ZC3H14: variants seen among roughly 807,000 people sequenced by gnomAD.
ZC3H14 encodes the protein zinc finger CCCH domain-containing protein 14.
Under a neutral mutation model 92.4 loss-of-function variants are expected in ZC3H14, and 31 were observed. The observed-to-expected ratio is 0.34, with a 90% CI of 0.25 to 0.45. ZC3H14 has a LOEUF of 0.45. Ranked by LOEUF, ZC3H14 falls within the 20% of genes least tolerant of loss-of-function variation. The pLI is 1.00. For synonymous variants in ZC3H14, 321 were observed against 300.9 expected (o/e 1.07, Z -0.69); for missense variants, 781 against 897.3 (o/e 0.87, Z 1.66).
chr14:88,604,074 ACT>A (rs1326917061), intron 12 of ZC3H14, among the ~76,000 whole-genome samples: 1 of 151,978 alleles, frequency 6.6e-6, no homozygotes, highest in Admixed American at 6.6e-5. Context: ...CGATTTATTG[ACT>A]CTGTATGTTT....
chr14:88,575,056 C>T (rs1047257212), intron 7 of ZC3H14, among the ~76,000 whole-genome samples: 17 of 152,168 alleles, frequency 1.1e-4, no homozygotes, highest in Non-Finnish European at 2.5e-4. Context: ...CCTGATTGAG[C>T]CTCCTGAATA....
rs764646700 is a variant in ZC3H14 at position 88,609,842 on chromosome 14, C to T, written c.2097+39C>T. On this transcript the variant is annotated intron_variant, in intron 15 of 16. Coordinates refer to ENST00000251038, the MANE Select transcript of ZC3H14 (RefSeq NM_024824.5). ...TTTTCTCAAATCAATTTAGTGACAA[C>T]ATCTCAATTTCCTCATTTAACTTCT... The T allele has an allele frequency of 5.7e-6, 9 of 1,586,142 alleles. No individual in the cohort carries two copies. The South Asian group carries it at 8.8e-5, about 16-fold the overall frequency.
intron 10 of ZC3H14, among the ~76,000 whole-genome samples, chr14:88,599,473 T>C (rs1394004877): frequency 6.6e-6 from 1 of 152,026 alleles, no homozygotes; most frequent in Non-Finnish European, 1.5e-5. Flanking sequence ...TGTTACTTAC[T>C]CCCCCGTCTG....
At chr14:88,577,141 C>T (rs757121497) in intron 8 of ZC3H14, among the ~76,000 whole-genome samples, 42 of 152,262 alleles carry the variant, frequency 2.8e-4, no homozygotes, top group Admixed American at 1.3e-3. Flanking sequence ...TGGTTCTCCT[C>T]ATCCCTAATT....
intron 11 of ZC3H14, among the ~76,000 whole-genome samples, 170 bp downstream of exon 11, chr14:88,602,253 A>G (rs1419857834): frequency 6.6e-6 from 1 of 152,236 alleles, no homozygotes; most frequent in Non-Finnish European, 1.5e-5. Flanking sequence ...CAAGAATTCC[A>G]GTTCATCTTT....
chr14:88,609,881 T>C (rs2140149616), intron 15 of ZC3H14, 78 bp downstream of exon 15: 1 of 1,466,464 alleles, frequency 6.8e-7, no homozygotes, highest in Non-Finnish European at 9.5e-7. Flanking sequence ...TTGTCAGAGT[T>C]ACTACATTGG....
intron 9 of ZC3H14, among the ~76,000 whole-genome samples, chr14:88,579,027 A>G (rs918484492): frequency 1.3e-5 from 2 of 152,034 alleles, no homozygotes; most frequent in Admixed American, 1.3e-4. Flanking sequence ...GTCGTCAAGA[A>G]GGATTCTTTT....
At chr14:88,593,146 T>G (rs1239194734) in intron 9 of ZC3H14, among the ~76,000 whole-genome samples, 1 of 152,078 alleles carries the variant, frequency 6.6e-6, no homozygotes, top group African/African-American at 2.4e-5. Flanking sequence ...TTTTGTATTT[T>G]TAGCAGAGAC....
chr14:88,611,819 A>C lies in ZC3H14; in HGVS notation c.*68A>C. ...TTCATGTACTGATGAAAGATACTCT[A>C]CAGAACTTGTCAAATCTTTGAAACT... On this transcript the variant is annotated 3_prime_UTR_variant, in exon 17 of 17. Transcript: ENST00000251038. 1 of 1,599,382 alleles carries C rather than the reference A, an allele frequency of 6.3e-7. No homozygotes were observed. The highest frequency in any genetic ancestry group is 1.3e-5 in the African/African-American group (1 of 74,576).
intron 3 of ZC3H14, among the ~76,000 whole-genome samples, chr14:88,569,360 T>A (rs556154276): frequency 6.6e-6 from 1 of 152,354 alleles, no homozygotes; most frequent in South Asian, 2.1e-4. Flanking sequence ...GTAATAATTG[T>A]AGTGTAATGT....
chr14:88,576,046 T>C, intron 8 of ZC3H14, 106 bp downstream of exon 8: 1 of 998,216 alleles, frequency 1.0e-6, no homozygotes, highest in East Asian at 2.5e-5. Flanking sequence ...GCCTGTCAGA[T>C]GTCAAGACCA....
intron 7 of ZC3H14, among the ~76,000 whole-genome samples, chr14:88,575,099 G>A (rs2080986738): frequency 1.3e-5 from 2 of 152,234 alleles, no homozygotes; most frequent in South Asian, 2.1e-4. Flanking sequence ...ACCATGACCA[G>A]CTAATTTTTG....
In ZC3H14 at chr14:88,602,882, T is replaced by G. The variant is rs2084855967; in HGVS notation, c.1569T>G (p.Asp523Glu). 1 of 1,614,034 alleles carries G rather than the reference T, an allele frequency of 6.2e-7. No homozygotes were observed. The highest frequency in any genetic ancestry group is 1.7e-5 in the Admixed American group (1 of 60,004). Residue 523 changes from aspartate (D) to glutamate (E), a missense_variant, in exon 12 of 17, where the codon GAT (aspartate) becomes GAG (glutamate). By Grantham distance (45) the Asp-to-Glu change is conservative. This residue lies in a region of ZC3H14 where 221 missense variants were observed against 304.7 expected (regional missense o/e 0.73). Transcript: ENST00000251038. ...PASPKFIVTLDGVPSPPGYMS... is the reference protein window; with the variant it reads ...PASPKFIVTLEGVPSPPGYMS... ...GTCCCAAGTTTATAGTGACGCTGGA[T>G]GGTGTCCCCAGCCCCCCAGGATACA... is the stretch of plus-strand genomic sequence containing the variant.
intron 10 of ZC3H14, among the ~76,000 whole-genome samples, chr14:88,597,257 A>G (rs916111444): frequency 6.6e-6 from 1 of 152,108 alleles, no homozygotes; most frequent in African/African-American, 2.4e-5. Context: ...GAGCCACTCT[A>G]GTTTGCCTGT....
Position 88,626,910 on chromosome 14 carries a change from A to G in ZC3H14, c.*15159A>G, listed in dbSNP as rs369341388. On this transcript the variant is annotated 3_prime_UTR_variant, in exon 17 of 17. Coordinates refer to ENST00000251038, the MANE Select transcript of ZC3H14 (RefSeq NM_024824.5). ...GTGTGCTCAGTAGCCCTTTTTTGCT[A>G]AGAAGAGCTCTTCCTGCCAGGGTCC... The G allele has an allele frequency of 1.2e-5, 20 of 1,613,928 alleles. No homozygotes were observed. In the African/African-American group the frequency reaches 1.9e-4, roughly 15 times the overall value.
In ZC3H14 at chr14:88,572,170, A is replaced by G. The variant is rs987919894; in HGVS notation, c.376A>G (p.Lys126Glu). Residue 126 changes from lysine to glutamate, a missense_variant, in exon 5 of 17, where the codon AAA (lysine) becomes GAA (glutamate). Around this residue, in one of 3 missense-constraint regions of ZC3H14, gnomAD observed 454 missense variants for 438.5 expected, o/e 1.04. Coordinates refer to ENST00000251038, the MANE Select transcript of ZC3H14 (RefSeq NM_024824.5). ...PLAIPSARPE[K>E]RDSRVSTSSQ... is the part of the protein sequence containing the mutation. ...TGCCATTCCTAGCGCGAGACCTGAA[A>G]AAAGAGATTCCAGAGTTTCTACAAG... 12 of 1,614,172 alleles carry G rather than the reference A, an allele frequency of 7.4e-6. No individual in the cohort carries two copies. The Admixed American group carries it at 8.3e-5, about 11-fold the overall frequency.
At chr14:88,592,708 C>G (rs551126376) in intron 9 of ZC3H14, among the ~76,000 whole-genome samples, 1 of 151,560 alleles carries the variant, frequency 6.6e-6, no homozygotes, top group Admixed American at 6.6e-5. Flanking sequence ...GCCATGTTGG[C>G]CAGGCTGGTC....
intron 9 of ZC3H14, chr14:88,594,378 A>T (rs1215978825): frequency 1.9e-6 from 2 of 1,052,366 alleles, no homozygotes; most frequent in Admixed American, 9.9e-5. Context: ...AGAAACCAGG[A>T]TTATTTTGTA....
Position 88,618,971 on chromosome 14 carries a change from C to A in ZC3H14, c.*7220C>A. 1 of 562,096 alleles carries A rather than the reference C, an allele frequency of 1.8e-6. No individual in the cohort carries two copies. Among genetic ancestry groups the A allele is most frequent in the East Asian group, 3.1e-5 (1 of 31,756 alleles). 34.8% of individuals were successfully genotyped at this position (562,096 alleles called of 1,614,324 possible). On this transcript the variant is annotated 3_prime_UTR_variant, in exon 17 of 17. Transcript: ENST00000251038. Reference sequence around the variant, plus strand: ...AACTGATCATGTATACTGAGATTGTCTGGGTTACATGAAATAAGGAAGCTT... The same window carrying A: ...AACTGATCATGTATACTGAGATTGTATGGGTTACATGAAATAAGGAAGCTT...
Sources: gnomAD v4.1 joint callset for allele counts (sites outside exome capture counted in the v4.1 genomes callset) on GRCh38, gnomAD v4.1.1 for gene constraint, gnomAD v4.1.1 regional missense constraint, MANE v1.5 for transcripts, NCBI Gene and HGNC (gene_info 2026-07-23, HGNC 2026-07-21) for gene names.